The following OTOGL variants were observed in gnomAD, a reference collection of about 807,000 sequenced individuals.
The protein encoded by OTOGL is otogelin-like protein.
A neutral mutation model predicts 318.5 loss-of-function variants in OTOGL; 285 were observed. That is an observed-to-expected ratio of 0.89 (90% CI 0.81 to 0.99). The LOEUF (loss-of-function observed/expected upper bound fraction) is 0.99, where lower values mean the gene tolerates loss of function less well. Among genes scored for constraint, OTOGL ranks in the 50% least tolerant of loss-of-function variants. The pLI is 0.00. For missense variants in OTOGL, 2,899 were observed against 2,845.6 expected, an observed-to-expected ratio of 1.02 and a Z score of -0.43; for synonymous variants, 987 against 936.5, an observed-to-expected ratio of 1.05 and a Z score of -0.99.
At chr12:80,158,013 GT>G (rs932440248) in intron 1 of OTOGL, among the ~76,000 whole-genome samples, 3 of 151,766 alleles carry the variant, frequency 2.0e-5, no homozygotes, top group African/African-American at 7.3e-5. Context: ...TTCTTATATG[GT>G]GGGTTTAAAT....
At chr12:80,192,942 G>A (rs1000120273) in intron 1 of OTOGL, among the ~76,000 whole-genome samples, 2 of 151,740 alleles carry the variant, frequency 1.3e-5, no homozygotes, top group African/African-American at 4.8e-5. Context: ...TAAGAGATGA[G>A]GGAAATATCC....
chr12:80,330,140 G>A (rs1451099), intron 37 of OTOGL, among the ~76,000 whole-genome samples: 151,687 of 152,308 alleles, frequency 1, 75,539 homozygotes, highest in Non-Finnish European at 1. Context: ...GTGCCGAAAG[G>A]TGGAGTGGAA....
At chr12:80,332,693 C>G (rs970148860) in intron 37 of OTOGL, among the ~76,000 whole-genome samples, 1 of 152,122 alleles carries the variant, frequency 6.6e-6, no homozygotes, top group Non-Finnish European at 1.5e-5. Context: ...TACCTGTTCA[C>G]GCAATTGTGT....
chr12:80,313,291 A>G (rs1886756816), intron 30 of OTOGL, among the ~76,000 whole-genome samples, 185 bp from the exon 31 acceptor site: 1 of 152,184 alleles, frequency 6.6e-6, no homozygotes, highest in South Asian at 2.1e-4. Context: ...CTTTGATGTG[A>G]CATTTTCCTA....
At position 80,358,920 on chromosome 12, in the gene OTOGL, T is replaced by A; in HGVS notation, c.6267+20T>A. 6.9e-7 allele frequency: 1 copy of A among 1,450,260 alleles called. No individual in the cohort carries two copies. The highest frequency in any genetic ancestry group is 1.4e-5 in the African/African-American group (1 of 70,574). 89.8% of individuals were successfully genotyped at this position (1,450,260 alleles called of 1,614,324 possible). On this transcript the variant is annotated intron_variant, in intron 52 of 58. Coordinates refer to ENST00000547103, the MANE Select transcript of OTOGL (RefSeq NM_001378609.3). ...GAAGTGGTAAGAACACATATTTTGA[T>A]TGACTTGTCATATTTATTTAAATCT...
intron 7 of OTOGL, among the ~76,000 whole-genome samples, chr12:80,225,327 G>A (rs1878735589): frequency 6.6e-6 from 1 of 151,726 alleles, no homozygotes; most frequent in Admixed American, 6.6e-5. Flanking sequence ...TTTGAGGACT[G>A]AGGTGTCAAC....
Position 80,320,553 on chromosome 12 carries a change from C to T in OTOGL, c.3934C>T (p.His1312Tyr), listed in dbSNP as rs534031917. ...TCATCGGAGAGCAACATTTTTCCAC[C>T]ATCAGGGCCTCTGGATTCCTGGTTA... The part of the protein sequence containing the change: ...AFHRRATFFH[H>Y]QGLWIPGYSA... The change falls in exon 34 of 59, where the codon CAT (histidine) becomes TAT (tyrosine). Residue 1312 changes from histidine (H) to tyrosine (Y), a missense_variant. Around this residue, in one of 3 missense-constraint regions of OTOGL, gnomAD observed 2,607 missense variants for 2,524.9 expected, o/e 1.03. Coordinates refer to ENST00000547103, the MANE Select transcript of OTOGL (RefSeq NM_001378609.3). 253 of 1,613,584 alleles carry T rather than the reference C, an allele frequency of 1.6e-4. No individual in the cohort carries two copies. In the East Asian group the frequency reaches 5.6e-3, roughly 36 times the overall value.
intron 27 of OTOGL, among the ~76,000 whole-genome samples, chr12:80,302,260 G>T (rs1885812736): frequency 6.6e-6 from 1 of 152,274 alleles, no homozygotes; most frequent in East Asian, 1.9e-4. Flanking sequence ...TGCGGGCAAG[G>T]CCATACCTTT....
chr12:80,173,544 T>C (rs1170413159), intron 1 of OTOGL, among the ~76,000 whole-genome samples: 3 of 152,158 alleles, frequency 2.0e-5, no homozygotes, highest in Non-Finnish European at 4.4e-5. Flanking sequence ...TTGGTTTTGG[T>C]AGGTTTTGGC....
In OTOGL at chr12:80,355,819, T is replaced by C; in HGVS notation, c.5677T>C (p.Leu1893=). The part of the protein sequence containing the change: ...GIDECTLYKC[L]ENGSIIPIEP... ...TGATGAATGCACTCTATACAAATGT[T>C]TGGAGAATGGAAGCATTATCCCTAT... The change falls in exon 47 of 59, where the codon TTG becomes CTG. Residue 1893 remains leucine, a synonymous_variant. Transcript: ENST00000547103. 1 of 1,613,950 alleles carries C rather than the reference T, an allele frequency of 6.2e-7. No homozygotes were observed. The highest frequency in any genetic ancestry group is 8.5e-7 in the Non-Finnish European group (1 of 1,179,848).
intron 1 of OTOGL, among the ~76,000 whole-genome samples, chr12:80,151,348 GGTATGC>G (rs1872770038): frequency 6.6e-6 from 1 of 152,048 alleles, no homozygotes; most frequent in South Asian, 2.1e-4. Flanking sequence ...AGCTCAAACA[GGTATGC>G]TTTAACCACA....
chr12:80,150,962 G>A (rs1015617960), intron 1 of OTOGL, among the ~76,000 whole-genome samples: 3 of 152,160 alleles, frequency 2.0e-5, no homozygotes, highest in Non-Finnish European at 4.4e-5. Flanking sequence ...TTGGCAATTT[G>A]TTCATGGAAG....
chr12:80,380,270 G>T lies in OTOGL; in HGVS notation c.*2222G>T, dbSNP rs1164685242. 1 of 151,848 alleles carries T rather than the reference G, an allele frequency of 6.6e-6. No homozygotes were observed. Among genetic ancestry groups the T allele is most frequent in the Non-Finnish European group, 1.5e-5 (1 of 67,884 alleles). 9.4% of individuals were successfully genotyped at this position (151,848 alleles called of 1,614,324 possible). Reference sequence around the variant, plus strand: ...AGATACCCCAAATAAATGATTCATAGATTTAACAGTTAGAAAACTGAAAAC... The same window carrying T: ...AGATACCCCAAATAAATGATTCATATATTTAACAGTTAGAAAACTGAAAAC... On this transcript the variant is annotated 3_prime_UTR_variant, in exon 59 of 59. Transcript: ENST00000547103.
At chr12:80,137,928 G>C (rs987551515) in intron 1 of OTOGL, among the ~76,000 whole-genome samples, 2 of 152,128 alleles carry the variant, frequency 1.3e-5, no homozygotes, top group Non-Finnish European at 2.9e-5. Context: ...TATCACTTTG[G>C]AGTCTCCTAG....
rs1429021224 is a variant in OTOGL at position 80,307,604 on chromosome 12, G to T, written c.3333+1909G>T. On this transcript the variant is annotated intron_variant, in intron 29 of 58. Transcript: ENST00000547103. ...TCCCTCCTGGACGGGGCGGCTGGCTGGGCGGGGGGCTGACCCCCCCACCTC... is the reference window on the plus strand; with the variant it reads ...TCCCTCCTGGACGGGGCGGCTGGCTTGGCGGGGGGCTGACCCCCCCACCTC... Among the ~76,000 whole-genome samples, 2 of 143,684 alleles carry T rather than the reference G, an allele frequency of 1.4e-5. 1 individual carries two copies. The highest frequency in any genetic ancestry group is 5.2e-5 in the African/African-American group (2 of 38,322). The allele number at this position is 143,684 out of a possible 152,430, so 94.3% of individuals were successfully genotyped here.
intron 44 of OTOGL, among the ~76,000 whole-genome samples, chr12:80,345,696 G>T (rs1251536916): frequency 6.6e-6 from 1 of 151,830 alleles, no homozygotes; most frequent in Non-Finnish European, 1.5e-5. Context: ...TTTTTCAAGA[G>T]TGACGAATTA....
intron 28 of OTOGL, among the ~76,000 whole-genome samples, chr12:80,304,954 C>T (rs1886010941): frequency 6.6e-6 from 1 of 152,156 alleles, no homozygotes; most frequent in South Asian, 2.1e-4. Context: ...CTGCCATAGC[C>T]ACTTATTACC....
intron 18 of OTOGL, among the ~76,000 whole-genome samples, 156 bp downstream of exon 18, chr12:80,258,158 G>T (rs1882229367): frequency 6.6e-6 from 1 of 152,056 alleles, no homozygotes; most frequent in African/African-American, 2.4e-5. Context: ...AGCAATCTCT[G>T]ATAAATATGT....
chr12:80,242,989 T>A (rs1201889133), intron 11 of OTOGL, among the ~76,000 whole-genome samples: 1 of 152,100 alleles, frequency 6.6e-6, no homozygotes, highest in African/African-American at 2.4e-5. Context: ...TGATTTTAAT[T>A]TTGCGATGCC....
Sources: allele counts gnomAD v4.1 joint callset (sites outside exome capture counted in the v4.1 genomes callset), GRCh38; gene constraint gnomAD v4.1.1; regional missense constraint gnomAD v4.1.1; transcripts MANE v1.5; gene names NCBI Gene and HGNC (gene_info 2026-07-23, HGNC 2026-07-21).